WDR27: variants seen among roughly 807,000 people sequenced by gnomAD.
The protein encoded by WDR27 is WD repeat domain 27.
A neutral mutation model predicts 114.4 loss-of-function variants in WDR27; 100 were observed. The observed-to-expected ratio is 0.87, with a 90% CI of 0.74 to 1.03. WDR27 has a LOEUF of 1.03. Ranked by LOEUF, WDR27 falls within the 50% of genes least tolerant of loss-of-function variation. The pLI, the probability that WDR27 is intolerant of heterozygous loss-of-function variation, is 0.00. For missense variants in WDR27, 1,129 were observed against 1,092.9 expected (o/e 1.03, Z -0.47); for synonymous variants, 449 against 423.1 (o/e 1.06, Z -0.75).
chr6:169,514,168 T>C (rs1223357425), intron 25 of WDR27, among the ~76,000 whole-genome samples: 3 of 152,032 alleles, frequency 2.0e-5, no homozygotes, highest in Non-Finnish European at 4.4e-5. Flanking sequence ...ATTATTCTTA[T>C]ATACATACAC....
intron 25 of WDR27, among the ~76,000 whole-genome samples, chr6:169,460,826 A>G (rs1248128142): frequency 6.6e-6 from 1 of 152,168 alleles, no homozygotes; most frequent in Non-Finnish European, 1.5e-5. Context: ...CATCCCATAA[A>G]TACTGCAATT....
At chr6:169,489,759 G>A (rs1318376071) in intron 25 of WDR27, among the ~76,000 whole-genome samples, 1 of 152,196 alleles carries the variant, frequency 6.6e-6, no homozygotes, top group Non-Finnish European at 1.5e-5. Flanking sequence ...TGGTTGCAAT[G>A]TGTGGCCAAG....
chr6:169,700,149 G>C (rs1183612004), intron 1 of WDR27, among the ~76,000 whole-genome samples: 1 of 152,176 alleles, frequency 6.6e-6, no homozygotes, highest in African/African-American at 2.4e-5. Flanking sequence ...CAAAAACCAT[G>C]GTCATATTTA....
At chr6:169,666,511 G>A (rs567867424) in intron 6 of WDR27, 1 of 985,528 alleles carries the variant, frequency 1.0e-6, no homozygotes, top group East Asian at 1.1e-4. Flanking sequence ...CAGGAAACCA[G>A]TGCCCTAAGA....
chr6:169,431,110 C>T, the WDR27 span, among the ~76,000 whole-genome samples: 1 of 152,190 alleles, frequency 6.6e-6, no homozygotes, highest in African/African-American at 2.4e-5. Flanking sequence ...GCAACTGTCA[C>T]TCACCAGTTA....
downstream of WDR27, among the ~76,000 whole-genome samples, chr6:169,452,996 G>A (rs1038203254): frequency 3.3e-5 from 5 of 152,094 alleles, no homozygotes; most frequent in South Asian, 2.1e-4. Context: ...AGCCTCCCTG[G>A]TCTCCCAGGC....
chr6:169,669,455 T>A (rs1483260575), intron 4 of WDR27: 1 of 152,196 alleles, frequency 6.6e-6, no homozygotes, highest in African/African-American at 2.4e-5. Flanking sequence ...GGCTGATGGT[T>A]CTCTCCATCT....
At chr6:169,475,755 A>T (rs1479940956) in intron 25 of WDR27, among the ~76,000 whole-genome samples, 1 of 151,876 alleles carries the variant, frequency 6.6e-6, no homozygotes, top group African/African-American at 2.4e-5. Context: ...CCCTCTCTAC[A>T]TTCTTCTGGC....
At chr6:169,627,578 G>A (rs1584710659) in intron 21 of WDR27, among the ~76,000 whole-genome samples, 1 of 152,192 alleles carries the variant, frequency 6.6e-6, no homozygotes, top group Non-Finnish European at 1.5e-5. Flanking sequence ...CTGTCCTGAG[G>A]CTCCCGAGGC....
chr6:169,681,934 T>C (rs1562922154), intron 2 of WDR27, among the ~76,000 whole-genome samples: 1 of 151,886 alleles, frequency 6.6e-6, no homozygotes, highest in East Asian at 1.9e-4. Flanking sequence ...ACCTCTCTAG[T>C]CTCCCACCCA....
At chr6:169,524,421 G>A (rs1794729486) in intron 25 of WDR27, among the ~76,000 whole-genome samples, 1 of 151,912 alleles carries the variant, frequency 6.6e-6, no homozygotes, top group Non-Finnish European at 1.5e-5. Context: ...ACAGAAATAA[G>A]AAAAAATTTT....
Position 169,619,467 on chromosome 6 carries a change from G to A in WDR27, c.2224-5811C>T, listed in dbSNP as rs140811997. 8.5e-5 allele frequency among the ~76,000 whole-genome samples: 13 copies of A among 152,276 alleles called. No individual in the cohort carries two copies. In the East Asian group the frequency reaches 2.5e-3, roughly 29 times the overall value. ...ACGGCCCGTGACACAGCCCTCAGGA[G>A]GTCCTCAGAACATGTGCCCAAAGTG... On this transcript the variant is annotated intron_variant, in intron 21 of 25. Coordinates refer to ENST00000448612, the MANE Select transcript of WDR27 (RefSeq NM_182552.5).
intron 25 of WDR27, among the ~76,000 whole-genome samples, chr6:169,519,364 A>C (rs1794072288): frequency 6.6e-6 from 1 of 152,222 alleles, no homozygotes; most frequent in Non-Finnish European, 1.5e-5. Flanking sequence ...TATTAAGAAA[A>C]GAGGTTTAAT....
intron 25 of WDR27, among the ~76,000 whole-genome samples, chr6:169,515,571 TAA>T (rs1465959246): frequency 5.9e-5 from 9 of 152,100 alleles, no homozygotes; most frequent in Non-Finnish European, 1.5e-5. Flanking sequence ...TTTAAAAACT[TAA>T]GAGTGGTATA....
chr6:169,593,638 A>G (rs1018414683), intron 23 of WDR27, among the ~76,000 whole-genome samples: 1 of 152,162 alleles, frequency 6.6e-6, no homozygotes, highest in Non-Finnish European at 1.5e-5. Flanking sequence ...ACTTGAGGTC[A>G]GGAGTTTGAG....
At chr6:169,568,335 T>C (rs1004606572) in intron 25 of WDR27, among the ~76,000 whole-genome samples, 1 of 152,102 alleles carries the variant, frequency 6.6e-6, no homozygotes, top group African/African-American at 2.4e-5. Context: ...AAACATTTCT[T>C]ATAACATACT....
At chr6:169,427,974 G>A in the WDR27 span, among the ~76,000 whole-genome samples, 2 of 152,056 alleles carry the variant, frequency 1.3e-5, no homozygotes, top group South Asian at 2.1e-4. Context: ...GGGAGGAGGC[G>A]AGGCCCCAGA....
At chr6:169,662,571 C>T (rs1562859985) in intron 8 of WDR27, 147 bp from the exon 9 acceptor site, 3 of 1,043,882 alleles carry the variant, frequency 2.9e-6, no homozygotes, top group African/African-American at 3.2e-5. Flanking sequence ...ACTAAGGTAA[C>T]ACCCAGCATG....
At chr6:169,503,456 G>A (rs1180899288) in intron 25 of WDR27, among the ~76,000 whole-genome samples, 1 of 152,234 alleles carries the variant, frequency 6.6e-6, no homozygotes, top group East Asian at 1.9e-4. Context: ...CCCGTACAAT[G>A]TGTAAACATT....
Sources: gnomAD v4.1 joint callset for allele counts (sites outside exome capture counted in the v4.1 genomes callset) on GRCh38, gnomAD v4.1.1 for gene constraint, MANE v1.5 for transcripts, NCBI Gene and HGNC (gene_info 2026-07-23, HGNC 2026-07-21) for gene names.